The following EHBP1 variants were observed in gnomAD, a reference collection of about 807,000 sequenced individuals.
EHBP1 encodes EH domain-binding protein 1.
In EHBP1, 55 loss-of-function variants were observed where a neutral mutation model predicts 144.0. The ratio of observed to expected loss-of-function variants is 0.38; its 90% CI spans 0.31 to 0.48. The LOEUF (loss-of-function observed/expected upper bound fraction) is 0.48, where lower values mean the gene tolerates loss of function less well. EHBP1 is among the 20% of genes least tolerant of loss of function. EHBP1 has a pLI of 0.98. For missense variants in EHBP1, 1,200 were observed against 1,364.2 expected (o/e 0.88, Z 1.90); for synonymous variants, 469 against 472.7 (o/e 0.99, Z 0.10).
chr2:62,826,003 G>A, intron 5 of EHBP1, 84 bp from the exon 6 acceptor site: 1 of 986,342 alleles, frequency 1.0e-6, no homozygotes, highest in Non-Finnish European at 1.4e-6. Flanking sequence ...ATTATTATTT[G>A]ATTTATTATT....
At position 62,864,818 on chromosome 2, in the gene EHBP1, C is replaced by A; in HGVS notation, c.845C>A (p.Pro282Gln). ...SYNPFKEVQT[P>Q]QYLNPFDEPE... ...AATCCCTTTAAAGAGGTGCAGACTC[C>A]ACAGTATTTGAACCCATTCGATGAG... The change falls in exon 9 of 23, where the codon CCA becomes CAA. Residue 282 changes from proline (P) to glutamine (Q), a missense_variant. Physicochemically the swap from Pro to Gln is moderately conservative, Grantham distance 76. Transcript: ENST00000431489. 1 of 1,613,996 alleles carries A rather than the reference C, an allele frequency of 6.2e-7. No homozygotes were observed. The highest frequency in any genetic ancestry group is 8.5e-7 in the Non-Finnish European group (1 of 1,179,980).
chr2:62,713,778 T>C (rs886509680), intron 2 of EHBP1, among the ~76,000 whole-genome samples: 2 of 152,258 alleles, frequency 1.3e-5, no homozygotes, highest in Non-Finnish European at 2.9e-5. Flanking sequence ...CATATGATTT[T>C]AGCAAATGCT....
chr2:62,693,194 A>T (rs994175174), intron 1 of EHBP1, among the ~76,000 whole-genome samples: 10 of 152,120 alleles, frequency 6.6e-5, no homozygotes, highest in African/African-American at 2.2e-4. Context: ...ACAGTATCTC[A>T]TTCTTTTTTA....
intron 10 of EHBP1, among the ~76,000 whole-genome samples, chr2:62,929,838 A>G (rs1366604868): frequency 6.6e-6 from 1 of 152,230 alleles, no homozygotes; most frequent in African/African-American, 2.4e-5. Flanking sequence ...ACAAAAAAAA[A>G]AACTGTTGTA....
chr2:62,742,280 A>C (rs2038785160), intron 2 of EHBP1, among the ~76,000 whole-genome samples: 1 of 152,118 alleles, frequency 6.6e-6, no homozygotes, highest in Non-Finnish European at 1.5e-5. Flanking sequence ...TTATATGCAA[A>C]TACTGCATCA....
At chr2:62,827,122 C>T (rs2046395076) in intron 6 of EHBP1, among the ~76,000 whole-genome samples, 1 of 152,138 alleles carries the variant, frequency 6.6e-6, no homozygotes, top group Non-Finnish European at 1.5e-5. Flanking sequence ...CTATAATTGG[C>T]CATGTCTACT....
chr2:62,683,429 G>T (rs781346140), intron 1 of EHBP1, among the ~76,000 whole-genome samples: 3 of 152,102 alleles, frequency 2.0e-5, no homozygotes, highest in Non-Finnish European at 4.4e-5. Context: ...GGAGGCCGAG[G>T]TGGGTGGATC....
chr2:62,781,420 T>A (rs1374014876), intron 5 of EHBP1, among the ~76,000 whole-genome samples: 1 of 152,240 alleles, frequency 6.6e-6, no homozygotes, highest in Non-Finnish European at 1.5e-5. Context: ...CCACTTAGTG[T>A]AAATGTTTAT....
intron 19 of EHBP1, among the ~76,000 whole-genome samples, chr2:63,002,726 ACT>A (rs971907366): frequency 4.6e-5 from 7 of 152,048 alleles, no homozygotes; most frequent in Admixed American, 6.6e-5. Flanking sequence ...GTCTAATTTT[ACT>A]CTCAGTGATT....
intron 10 of EHBP1, among the ~76,000 whole-genome samples, chr2:62,906,268 A>G (rs1268299980): frequency 2.6e-5 from 4 of 151,412 alleles, no homozygotes; most frequent in Non-Finnish European, 5.9e-5. Flanking sequence ...AATTTACTGT[A>G]TACGTGTCCG....
At chr2:62,992,189 T>G (rs1196847801) in intron 16 of EHBP1, among the ~76,000 whole-genome samples, 1 of 152,164 alleles carries the variant, frequency 6.6e-6, no homozygotes, top group Non-Finnish European at 1.5e-5. Flanking sequence ...AATTTAGCTG[T>G]GTTTGTTTAT....
intron 7 of EHBP1, among the ~76,000 whole-genome samples, chr2:62,839,909 C>G (rs2047655318): frequency 6.6e-6 from 1 of 151,914 alleles, no homozygotes; most frequent in Non-Finnish European, 1.5e-5. Context: ...AATGGCCATA[C>G]TGCCCAAGGT....
chr2:63,000,560 G>C (rs888264778), intron 19 of EHBP1, among the ~76,000 whole-genome samples: 3 of 151,988 alleles, frequency 2.0e-5, no homozygotes, highest in African/African-American at 7.2e-5. Context: ...AGCAGGATGT[G>C]GTGGTGGATG....
intron 8 of EHBP1, among the ~76,000 whole-genome samples, chr2:62,861,911 A>C (rs1022318456): frequency 5.3e-5 from 8 of 152,158 alleles, no homozygotes; most frequent in African/African-American, 1.9e-4. Context: ...GAAAGAAAAA[A>C]ATAAAAATCT....
intron 14 of EHBP1, among the ~76,000 whole-genome samples, chr2:62,971,979 C>G (rs2153175476): frequency 6.6e-6 from 1 of 152,242 alleles, no homozygotes; most frequent in South Asian, 2.1e-4. Flanking sequence ...CTAACTACTT[C>G]AATTTATTTA....
In EHBP1 at chr2:62,942,881, T is replaced by G; in HGVS notation, c.1349T>G (p.Phe450Cys). 6.2e-7 allele frequency: 1 copy of G among 1,602,952 alleles called. No homozygotes were observed. The change falls in exon 11 of 23, where the codon TTT becomes TGT. Residue 450 changes from phenylalanine (F) to cysteine (C), a missense_variant. Phe to Cys is a radical substitution (Grantham distance 205). This residue lies in a region of EHBP1 where 94 missense variants were observed against 143.0 expected (regional missense o/e 0.66). Coordinates refer to ENST00000431489, the MANE Select transcript of EHBP1 (RefSeq NM_001142616.3). ...TCTTTTTGTGCAATATTACACCACT[T>G]TAGACCAGATTTAATGTAAGTAGAA... is the stretch of plus-strand genomic sequence containing the variant. ...GLSFCAILHH[F>C]RPDLIDYKSL...
intron 14 of EHBP1, among the ~76,000 whole-genome samples, chr2:62,976,654 CCCT>C (rs1401657229): frequency 2.6e-5 from 4 of 152,134 alleles, no homozygotes; most frequent in Admixed American, 2.6e-4. Flanking sequence ...TAGTCAGTGT[CCCT>C]CCTTTTTCTC....
chr2:62,857,604 G>C (rs1411885605), intron 7 of EHBP1, among the ~76,000 whole-genome samples: 1 of 151,956 alleles, frequency 6.6e-6, no homozygotes, highest in Non-Finnish European at 1.5e-5. Context: ...TTATACCTAA[G>C]CTATTCCTAG....
intron 6 of EHBP1, among the ~76,000 whole-genome samples, chr2:62,830,193 C>CACAT (rs1292331731): frequency 9.4e-6 from 1 of 106,522 alleles, no homozygotes; most frequent in South Asian, 2.8e-4. Context: ...CACACACACA[C>CACAT]ACATATATAT....
Sources: allele counts gnomAD v4.1 joint callset (sites outside exome capture counted in the v4.1 genomes callset), GRCh38; gene constraint gnomAD v4.1.1; regional missense constraint gnomAD v4.1.1; transcripts MANE v1.5; gene names NCBI Gene and HGNC (gene_info 2026-07-23, HGNC 2026-07-21).